PDE1C: variants seen among roughly 807,000 people sequenced by gnomAD.
The protein encoded by PDE1C is dual specificity calcium/calmodulin-dependent 3',5'-cyclic nucleotide phosphodiesterase 1C.
A neutral mutation model predicts 93.1 loss-of-function variants in PDE1C; 62 were observed. That is an observed-to-expected ratio of 0.67 (90% CI 0.54 to 0.82). The LOEUF (loss-of-function observed/expected upper bound fraction) is 0.82, where lower values mean the gene tolerates loss of function less well. PDE1C is among the 40% of genes least tolerant of loss of function. The pLI, the probability that PDE1C is intolerant of heterozygous loss-of-function variation, is 0.00. For missense variants in PDE1C, 742 were observed against 884.6 expected, an observed-to-expected ratio of 0.84 and a Z score of 2.04; for synonymous variants, 325 against 310.1, an observed-to-expected ratio of 1.05 and a Z score of -0.50.
At chr7:32,214,293 A>G (rs1048777254) in intron 1 of PDE1C, among the ~76,000 whole-genome samples, 2 of 152,196 alleles carry the variant, frequency 1.3e-5, no homozygotes, top group South Asian at 2.1e-4. Context: ...GGCACCTGCC[A>G]TCTCTAGTCC....
chr7:31,849,859 G>A (rs1793107846), intron 8 of PDE1C, among the ~76,000 whole-genome samples: 1 of 152,090 alleles, frequency 6.6e-6, no homozygotes, highest in African/African-American at 2.4e-5. Flanking sequence ...AGAGGGCAAG[G>A]AAAGTTTTAT....
At chr7:31,791,331 A>G (rs928554078) in intron 16 of PDE1C, among the ~76,000 whole-genome samples, 1 of 152,252 alleles carries the variant, frequency 6.6e-6, no homozygotes. Context: ...TTTGAGAGAA[A>G]TAACAGACAA....
chr7:32,065,879 T>A (rs1177577312), intron 1 of PDE1C, among the ~76,000 whole-genome samples: 1 of 152,162 alleles, frequency 6.6e-6, no homozygotes. Flanking sequence ...CAAAACATCC[T>A]AAGCAAAAAC....
At position 32,413,926 on chromosome 7, in the gene PDE1C, G is replaced by A. The variant is rs148951443; in HGVS notation, c.310+13896C>T. On this transcript the variant is annotated intron_variant, in intron 1 of 1. Coordinates refer to the PDE1C transcript ENST00000672256. ...CCCCCAAATCCATCAATTAAAGGGT[G>A]GAGGGACTGGGTGCGTTGGTTCATG... 1.3e-3 allele frequency among the ~76,000 whole-genome samples: 194 copies of A among 152,224 alleles called. 3 individuals are homozygous for A. Among genetic ancestry groups the A allele is most frequent in the African/African-American group, 4.3e-3 (180 of 41,532 alleles).
chr7:32,369,699 T>C lies in PDE1C; in HGVS notation c.310+58123A>G, dbSNP rs1213635755. On this transcript the variant is annotated intron_variant, in intron 1 of 1. Transcript: ENST00000672256. ...GACTTCTGTGCCCCCATGTTTACTG[T>C]AGTACTATTCACAATAGCCAAGATA... Among the ~76,000 whole-genome samples the C allele has an allele frequency of 3.3e-5, 5 of 152,314 alleles. No homozygotes were observed. In the South Asian group the frequency reaches 8.3e-4, roughly 25 times the overall value.
At chr7:31,727,200 C>G in the PDE1C span, among the ~76,000 whole-genome samples, 1 of 152,252 alleles carries the variant, frequency 6.6e-6, no homozygotes, top group African/African-American at 2.4e-5. Context: ...CTTACTGAGA[C>G]GCCCCACAGT....
At chr7:31,789,107 C>T (rs918614649) in intron 16 of PDE1C, 3 of 152,126 alleles carry the variant, frequency 2.0e-5, no homozygotes, top group Admixed American at 2.0e-4. Context: ...GGGAAGGACT[C>T]AGAGATTCCT....
At chr7:32,087,545 T>C (rs1034565530) in intron 3 of PDE1C, among the ~76,000 whole-genome samples, 19 of 152,160 alleles carry the variant, frequency 1.2e-4, no homozygotes, top group African/African-American at 4.3e-4. Flanking sequence ...TAAAGACACA[T>C]GCACACGTAT....
At chr7:31,684,934 A>G in the PDE1C span, among the ~76,000 whole-genome samples, 1 of 152,222 alleles carries the variant, frequency 6.6e-6, no homozygotes, top group Non-Finnish European at 1.5e-5. Context: ...GTTCACGCAA[A>G]AGCCTCTCTA....
At chr7:31,801,181 A>C (rs1013533124) in intron 16 of PDE1C, among the ~76,000 whole-genome samples, 5 of 151,280 alleles carry the variant, frequency 3.3e-5, no homozygotes, top group African/African-American at 1.2e-4. Flanking sequence ...ACAATAGAAA[A>C]TATTAATGGT....
intron 3 of PDE1C, among the ~76,000 whole-genome samples, chr7:32,125,237 T>C (rs936306401): frequency 5.9e-5 from 9 of 152,220 alleles, no homozygotes; most frequent in Non-Finnish European, 1.2e-4. Context: ...GGTGAGGCTA[T>C]GGAGAAATAG....
intron 1 of PDE1C, among the ~76,000 whole-genome samples, chr7:32,406,823 T>C (rs943111466): frequency 6.6e-6 from 1 of 152,114 alleles, no homozygotes; most frequent in Non-Finnish European, 1.5e-5. Context: ...TGACCAGCTG[T>C]ATAGGCAGCT....
chr7:31,681,532 T>A, the PDE1C span, among the ~76,000 whole-genome samples: 1 of 152,238 alleles, frequency 6.6e-6, no homozygotes, highest in East Asian at 1.9e-4. Flanking sequence ...TGTGTCTTGC[T>A]CTGGGCTGTC....
intron 2 of PDE1C, among the ~76,000 whole-genome samples, chr7:32,022,913 C>T (rs62457492): frequency 0.11 from 16,727 of 151,646 alleles, 1,162 homozygotes; most frequent in East Asian, 0.32. Context: ...TTTCCTATTA[C>T]CAACACAATA....
chr7:31,726,585 C>T, the PDE1C span, among the ~76,000 whole-genome samples: 1 of 152,146 alleles, frequency 6.6e-6, no homozygotes, highest in South Asian at 2.1e-4. Context: ...TAAGACCATT[C>T]GTAGTCATGT....
chr7:32,052,340 C>T (rs1057331405), intron 1 of PDE1C: 3 of 479,268 alleles, frequency 6.3e-6, no homozygotes, highest in African/African-American at 3.9e-5. Flanking sequence ...AAGCTAGTAA[C>T]ATCTGCTCTG....
At chr7:32,033,455 C>T (rs1790606949) in intron 2 of PDE1C, among the ~76,000 whole-genome samples, 2 of 152,074 alleles carry the variant, frequency 1.3e-5, no homozygotes, top group Non-Finnish European at 2.9e-5. Flanking sequence ...AATGTCCTTC[C>T]TTCAGTCAGT....
intron 1 of PDE1C, among the ~76,000 whole-genome samples, chr7:32,249,407 C>T (rs916686817): frequency 5.9e-5 from 9 of 151,948 alleles, no homozygotes; most frequent in African/African-American, 2.2e-4. Context: ...CCAACCTTCA[C>T]TTGGATCAGG....
intron 1 of PDE1C, among the ~76,000 whole-genome samples, chr7:32,245,715 G>A (rs1808879785): frequency 6.6e-6 from 1 of 152,130 alleles, no homozygotes; most frequent in Non-Finnish European, 1.5e-5. Context: ...CTGGATACTG[G>A]GAAGTCCAAA....
Sources: allele counts gnomAD v4.1 joint callset (sites outside exome capture counted in the v4.1 genomes callset), GRCh38; gene constraint gnomAD v4.1.1; transcripts MANE v1.5; gene names NCBI Gene and HGNC (gene_info 2026-07-23, HGNC 2026-07-21).